MACROD1: variants seen among roughly 807,000 people sequenced by gnomAD.
MACROD1 encodes mono-ADP ribosylhydrolase 1.
A neutral mutation model predicts 41.4 loss-of-function variants in MACROD1; 31 were observed. The observed-to-expected ratio is 0.75, with a 90% CI of 0.56 to 1.01. The LOEUF (loss-of-function observed/expected upper bound fraction) is 1.01, where lower values mean the gene tolerates loss of function less well. Ranked by LOEUF, MACROD1 falls within the 50% of genes least tolerant of loss-of-function variation. The pLI is 0.00. For missense variants in MACROD1, 473 were observed against 460.0 expected (o/e 1.03, Z -0.26); for synonymous variants, 252 against 203.4 (o/e 1.24, Z -2.03).
chr11:64,059,287 G>T (rs1789904919), intron 3 of MACROD1, among the ~76,000 whole-genome samples: 1 of 152,182 alleles, frequency 6.6e-6, no homozygotes, highest in Admixed American at 6.5e-5. Flanking sequence ...TGTGAAGAGG[G>T]TCTTGCGGGT....
At chr11:64,076,268 A>G (rs1174816334) in intron 3 of MACROD1, among the ~76,000 whole-genome samples, 1 of 152,060 alleles carries the variant, frequency 6.6e-6, no homozygotes, top group Non-Finnish European at 1.5e-5. Context: ...AGGTGCCCCC[A>G]TGACCCTCCA....
intron 3 of MACROD1, among the ~76,000 whole-genome samples, chr11:64,056,531 G>A (rs1009261504): frequency 6.6e-6 from 1 of 152,236 alleles, no homozygotes; most frequent in Non-Finnish European, 1.5e-5. Flanking sequence ...GTCTCCATCT[G>A]TAGGCAACAG....
At chr11:64,085,911 C>A (rs1366977146) in intron 3 of MACROD1, among the ~76,000 whole-genome samples, 13 of 152,134 alleles carry the variant, frequency 8.5e-5, no homozygotes, top group African/African-American at 2.9e-4. Flanking sequence ...GGGGCCACCC[C>A]ACCCCCACAG....
chr11:64,040,907 CG>C (rs1943472233), intron 3 of MACROD1, among the ~76,000 whole-genome samples: 1 of 152,066 alleles, frequency 6.6e-6, no homozygotes, highest in Non-Finnish European at 1.5e-5. Context: ...ATCCGACGTC[CG>C]GCCAGGCCCC....
At chr11:64,124,773 C>T (rs559443375) in intron 3 of MACROD1, among the ~76,000 whole-genome samples, 99 of 152,198 alleles carry the variant, frequency 6.5e-4, no homozygotes, top group African/African-American at 2.2e-3. Flanking sequence ...CCCTGCCTCC[C>T]GGGTTCAAGT....
intron 3 of MACROD1, among the ~76,000 whole-genome samples, chr11:64,060,018 C>G (rs920275053): frequency 5.9e-5 from 9 of 152,188 alleles, no homozygotes; most frequent in Non-Finnish European, 1.2e-4. Flanking sequence ...CAGGGGCCCC[C>G]CTCCCACACG....
intron 3 of MACROD1, among the ~76,000 whole-genome samples, chr11:64,107,899 A>C (rs1335561698): frequency 1.3e-5 from 2 of 152,200 alleles, no homozygotes. Flanking sequence ...CCTGCAGTTC[A>C]TGTCTGGGGC....
chr11:64,097,528 C>T (rs781433360), intron 3 of MACROD1, among the ~76,000 whole-genome samples: 10 of 152,256 alleles, frequency 6.6e-5, no homozygotes, highest in South Asian at 2.1e-4. Flanking sequence ...GGCCCAGGCC[C>T]GCCGGCCGGG....
intron 4 of MACROD1, chr11:64,001,804 C>T (rs1181876798): frequency 5.7e-6 from 4 of 698,490 alleles, no homozygotes; most frequent in Non-Finnish European, 1.0e-5. Flanking sequence ...GCTCCCAGTG[C>T]TGGGAAGTGA....
intron 3 of MACROD1, among the ~76,000 whole-genome samples, chr11:64,052,108 G>C (rs1017154438): frequency 6.6e-6 from 1 of 152,010 alleles, no homozygotes; most frequent in African/African-American, 2.4e-5. Context: ...AGGAAGCCCT[G>C]GCCCTCCTCC....
chr11:64,087,107 G>C (rs1304622405), intron 3 of MACROD1: 4 of 152,186 alleles, frequency 2.6e-5, no homozygotes, highest in Non-Finnish European at 5.9e-5. Flanking sequence ...ACTGGTAAAT[G>C]ATATGGGGCC....
At chr11:64,073,701 C>G (rs915881687) in intron 3 of MACROD1, among the ~76,000 whole-genome samples, 1 of 152,188 alleles carries the variant, frequency 6.6e-6, no homozygotes, top group Non-Finnish European at 1.5e-5. Flanking sequence ...AGTGTGCGTG[C>G]GCGTGGGTTC....
intron 1 of MACROD1, among the ~76,000 whole-genome samples, chr11:64,164,326 C>T (rs1945801692): frequency 6.6e-6 from 1 of 152,232 alleles, no homozygotes; most frequent in African/African-American, 2.4e-5. Context: ...GCTTTCCTGG[C>T]ACCAAGGAGT....
In MACROD1 at chr11:64,036,732, T is replaced by C. The variant is rs912023084; in HGVS notation, c.518-21451A>G. Among the ~76,000 whole-genome samples the C allele has an allele frequency of 6.6e-6, 1 of 152,002 alleles. No homozygotes were observed. Among genetic ancestry groups the C allele is most frequent in the African/African-American group, 2.4e-5 (1 of 41,390 alleles). ...TGTGCGCGCTGTGGACCGTCAGCCCTGAGCCGGGCGGGGGCTGGGGCCGTA... is the reference window on the plus strand; with the variant it reads ...TGTGCGCGCTGTGGACCGTCAGCCCCGAGCCGGGCGGGGGCTGGGGCCGTA... On this transcript the variant is annotated intron_variant, in intron 3 of 10. Coordinates refer to ENST00000255681, the MANE Select transcript of MACROD1 (RefSeq NM_014067.4). This position sits in a 1 kb window ranked among gnomAD's most constrained non-coding sequence, Gnocchi z 5.6.
chr11:64,155,482 T>C (rs991489771), intron 1 of MACROD1, among the ~76,000 whole-genome samples: 1 of 152,200 alleles, frequency 6.6e-6, no homozygotes, highest in African/African-American at 2.4e-5. Flanking sequence ...ATCTCTGGAA[T>C]AGGGACAAGG....
intron 3 of MACROD1, chr11:64,119,031 C>T (rs910596043): frequency 6.0e-6 from 1 of 167,290 alleles, no homozygotes; most frequent in African/African-American, 2.4e-5. Context: ...TCCCTGCCAC[C>T]TGGAGGTGCA....
intron 3 of MACROD1, among the ~76,000 whole-genome samples, chr11:64,083,748 G>A (rs1944343486): frequency 6.6e-6 from 1 of 152,182 alleles, no homozygotes; most frequent in South Asian, 2.1e-4. Flanking sequence ...TGGAATGGGG[G>A]TTCGGTGACT....
At chr11:64,051,925 G>A (rs551500413) in intron 3 of MACROD1, among the ~76,000 whole-genome samples, 62 of 151,928 alleles carry the variant, frequency 4.1e-4, no homozygotes, top group Non-Finnish European at 6.5e-4. Context: ...GTAGAGACTG[G>A]ATACTCCAAG....
At position 64,096,109 on chromosome 11, in the gene MACROD1, C is replaced by T. The variant is rs1306523424; in HGVS notation, c.517+55130G>A. Among the ~76,000 whole-genome samples the T allele has an allele frequency of 7.9e-5, 12 of 152,228 alleles. No homozygotes were observed. The highest frequency in any genetic ancestry group is 3.2e-3 in the Middle Eastern group (1 of 314). On this transcript the variant is annotated intron_variant, in intron 3 of 10. Transcript: ENST00000255681. The surrounding 1 kb of genome is among the most constrained non-coding windows in gnomAD (Gnocchi z 4.6). ...ACTTCACAGCCAGGCTGCCAGGAGA[C>T]GCTGTGAGAGTGCCCAGACCCTGGA...
Sources: allele counts gnomAD v4.1 joint callset (sites outside exome capture counted in the v4.1 genomes callset), GRCh38; gene constraint gnomAD v4.1.1; non-coding constraint Gnocchi (gnomAD v3.1); transcripts MANE v1.5; gene names NCBI Gene and HGNC (gene_info 2026-07-23, HGNC 2026-07-21).